Variants in CMPK1 observed in about 807,000 individuals in gnomAD.
CMPK1 encodes the protein cytidine/uridine monophosphate kinase 1.
In CMPK1, 10 loss-of-function variants were observed where a neutral mutation model predicts 25.7. That is an observed-to-expected ratio of 0.39 (90% CI 0.24 to 0.66). The LOEUF is 0.66. Ranked by LOEUF, CMPK1 falls within the 30% of genes least tolerant of loss-of-function variation. The pLI is 0.48. For synonymous variants in CMPK1, 106 were observed against 101.5 expected (o/e 1.04, Z -0.27); for missense variants, 199 against 280.5 (o/e 0.71, Z 2.08).
intron 3 of CMPK1, 148 bp downstream of exon 3, chr1:47,373,255 G>C (rs1404813710): frequency 1.7e-6 from 1 of 575,726 alleles, no homozygotes; most frequent in Non-Finnish European, 2.7e-6. Flanking sequence ...GCACTGTCTT[G>C]CTGTTGGAGT....
chr1:47,334,035 A>G lies in CMPK1; in HGVS notation c.90A>G (p.Pro30=). ...GCCGGCCGATTCTCCTCTGCTCTCC[A>G]CGTCTCATGAAGCCGCTGGTCGTGT... ...QTRRPILLCS[P]RLMKPLVVFV... The change falls in exon 1 of 6, where the codon CCA becomes CCG. Residue 30 remains proline, a synonymous_variant. Transcript: ENST00000371873. 6.4e-7 allele frequency: 1 copy of G among 1,553,264 alleles called. No individual in the cohort carries two copies. The highest frequency in any genetic ancestry group is 8.7e-7 in the Non-Finnish European group (1 of 1,149,894).
chr1:47,374,079 T>A (rs1461912998), intron 3 of CMPK1, among the ~76,000 whole-genome samples: 4 of 151,996 alleles, frequency 2.6e-5, no homozygotes, highest in African/African-American at 9.7e-5. Context: ...ATTTTATTTT[T>A]TTGAGACAGA....
chr1:47,354,599 CTTT>C (rs34592236), intron 1 of CMPK1, among the ~76,000 whole-genome samples: 3 of 105,460 alleles, frequency 2.8e-5, no homozygotes, highest in Non-Finnish European at 1.9e-5. Flanking sequence ...TTGTGACTTG[CTTT>C]TTTTTTTTTT....
At chr1:47,376,478 G>T (rs1377353968) in intron 5 of CMPK1, among the ~76,000 whole-genome samples, 1 of 151,978 alleles carries the variant, frequency 6.6e-6, no homozygotes, top group Non-Finnish European at 1.5e-5. Flanking sequence ...ACCACGCCTG[G>T]CTGATTTTTG....
chr1:47,334,023 C>T lies in CMPK1; in HGVS notation c.78C>T (p.Leu26=), dbSNP rs188291383. ...TGCTGCAGACCCGCCGGCCGATTCT[C>T]CTCTGCTCTCCACGTCTCATGAAGC... ...SFLLQTRRPI[L]LCSPRLMKPL... is the part of the protein sequence containing the mutation. The change falls in exon 1 of 6, where the codon CTC becomes CTT. Residue 26 remains leucine (L), a synonymous_variant. Coordinates refer to ENST00000371873, the MANE Select transcript of CMPK1 (RefSeq NM_016308.3). 6.4e-5 allele frequency: 100 copies of T among 1,554,684 alleles called. No individual in the cohort carries two copies. The highest frequency in any genetic ancestry group is 8.5e-5 in the Non-Finnish European group (98 of 1,150,668).
At chr1:47,339,239 A>G (rs1439472144) in intron 1 of CMPK1, among the ~76,000 whole-genome samples, 2 of 151,924 alleles carry the variant, frequency 1.3e-5, no homozygotes, top group Non-Finnish European at 2.9e-5. Flanking sequence ...CGAACTTCTG[A>G]CCTCAGGTGA....
chr1:47,373,290 G>A, intron 3 of CMPK1, 183 bp downstream of exon 3: 1 of 407,938 alleles, frequency 2.5e-6, no homozygotes, highest in Non-Finnish European at 4.2e-6. Flanking sequence ...GGCATTAGCA[G>A]CCTTGTGGAG....
intron 1 of CMPK1, among the ~76,000 whole-genome samples, chr1:47,340,987 G>T (rs1019846244): frequency 1.3e-5 from 2 of 152,110 alleles, no homozygotes; most frequent in African/African-American, 4.8e-5. Context: ...CAGGATACTT[G>T]ACTCTTCAGA....
chr1:47,334,000 C>T lies in CMPK1; in HGVS notation c.55C>T (p.Leu19=). ...CCACGTCCTGGGCCTTAGCTTCCTG[C>T]TGCAGACCCGCCGGCCGATTCTCCT... ...LLHVLGLSFL[L]QTRRPILLCS... is the part of the protein sequence containing the mutation. The change falls in exon 1 of 6, where the codon CTG becomes TTG. Residue 19 remains leucine, a synonymous_variant. Transcript: ENST00000371873. The T allele has an allele frequency of 2.6e-6, 4 of 1,545,322 alleles. No homozygotes were observed. Among genetic ancestry groups the T allele is most frequent in the Non-Finnish European group, 3.5e-6 (4 of 1,145,696 alleles).
At chr1:47,351,745 AT>A (rs1040919519) in intron 1 of CMPK1, among the ~76,000 whole-genome samples, 7 of 151,536 alleles carry the variant, frequency 4.6e-5, no homozygotes, top group Non-Finnish European at 7.4e-5. Context: ...ACCAATGTTT[AT>A]TTTTTTTGTT....
At chr1:47,372,336 G>A (rs142840280) in intron 2 of CMPK1, among the ~76,000 whole-genome samples, 1,667 of 152,210 alleles carry the variant, frequency 0.011, 28 homozygotes, top group African/African-American at 0.038. Context: ...TTTTGGGGCA[G>A]CCAGTGACAT....
chr1:47,337,128 C>A (rs1646404790), intron 1 of CMPK1, among the ~76,000 whole-genome samples: 1 of 151,958 alleles, frequency 6.6e-6, no homozygotes, highest in African/African-American at 2.4e-5. Flanking sequence ...ACTAAAAATA[C>A]AAAAATTAGC....
At chr1:47,338,415 G>T (rs1646415185) in intron 1 of CMPK1, among the ~76,000 whole-genome samples, 1 of 152,090 alleles carries the variant, frequency 6.6e-6, no homozygotes, top group Admixed American at 6.6e-5. Flanking sequence ...GTTCTGTACT[G>T]GGAAGGAAAG....
chr1:47,375,851 G>T (rs1646704203), intron 5 of CMPK1, among the ~76,000 whole-genome samples: 1 of 152,066 alleles, frequency 6.6e-6, no homozygotes, highest in Non-Finnish European at 1.5e-5. Context: ...TGTCTCTTAA[G>T]GAACCTAACC....
At chr1:47,365,511 C>G (rs4528158) in intron 1 of CMPK1, among the ~76,000 whole-genome samples, 2,507 of 151,558 alleles carry the variant, frequency 0.017, 79 homozygotes, top group African/African-American at 0.058. Context: ...GCATGTACCA[C>G]TAGTCCCAGC....
chr1:47,369,478 C>G (rs6698717), intron 2 of CMPK1, among the ~76,000 whole-genome samples: 40,702 of 152,048 alleles, frequency 0.27, 5,724 homozygotes, highest in Non-Finnish European at 0.31. Flanking sequence ...TCCTTTCTTC[C>G]CAACATTCAG....
intron 1 of CMPK1, 131 bp downstream of exon 1, chr1:47,334,247 C>T (rs1646378902): frequency 1.1e-6 from 1 of 921,780 alleles, no homozygotes; most frequent in Admixed American, 4.6e-5. Context: ...CACCGCGCCG[C>T]CCGCGTGGCA....
In CMPK1 at chr1:47,333,920, C is replaced by T. The variant is rs1646374099; in HGVS notation, c.-26C>T. On this transcript the variant is annotated 5_prime_UTR_variant, in exon 1 of 6. Coordinates refer to ENST00000371873, the MANE Select transcript of CMPK1 (RefSeq NM_016308.3). ...CGCCGCGCCGGCCGCTGTCAGCTCC[C>T]TCAGCGTCCGGCCGAGGCGCGGTGT... 3 of 1,315,920 alleles carry T rather than the reference C, an allele frequency of 2.3e-6. No individual in the cohort carries two copies. The highest frequency in any genetic ancestry group is 2.1e-5 in the South Asian group (1 of 47,678). The allele number at this position is 1,315,920 out of a possible 1,614,324, so 81.5% of individuals were successfully genotyped here. A position where few individuals can be genotyped will look rare whatever the true frequency, so the allele number is the denominator to read the frequency against.
chr1:47,343,291 G>T (rs1423385650), intron 1 of CMPK1, among the ~76,000 whole-genome samples: 1 of 149,638 alleles, frequency 6.7e-6, no homozygotes, highest in East Asian at 2.1e-4. Context: ...CCGGCCCTCT[G>T]TGTATTTTTA....
Sources: gnomAD v4.1 joint callset for allele counts (sites outside exome capture counted in the v4.1 genomes callset) on GRCh38, gnomAD v4.1.1 for gene constraint, MANE v1.5 for transcripts, NCBI Gene and HGNC (gene_info 2026-07-23, HGNC 2026-07-21) for gene names.